The following SGCD variants were observed in gnomAD, a reference collection of about 807,000 sequenced individuals.
The protein encoded by SGCD is delta-sarcoglycan.
SGCD carries 18 observed loss-of-function variants against 36.6 expected under a neutral mutation model. The observed-to-expected ratio is 0.49, with a 90% CI of 0.34 to 0.73. The LOEUF (loss-of-function observed/expected upper bound fraction) is 0.73. SGCD is among the 30% of genes least tolerant of loss of function. SGCD has a pLI of 0.01. For missense variants in SGCD, 387 were observed against 346.7 expected, an observed-to-expected ratio of 1.12 and a Z score of -0.92; for synonymous variants, 133 against 130.6, an observed-to-expected ratio of 1.02 and a Z score of -0.12.
intron 4 of SGCD, among the ~76,000 whole-genome samples, chr5:156,557,374 G>A (rs567297091): frequency 3.9e-5 from 6 of 152,252 alleles, no homozygotes; most frequent in Admixed American, 2.0e-4. Context: ...ACAACAACAA[G>A]TATTGCTGGC....
chr5:156,692,441 A>T (rs1754152479), intron 7 of SGCD, among the ~76,000 whole-genome samples: 1 of 152,214 alleles, frequency 6.6e-6, no homozygotes, highest in South Asian at 2.1e-4. Context: ...CGCCAGCTGA[A>T]GATCTAACTC....
At chr5:156,481,376 G>T (rs1581055055) in intron 3 of SGCD, among the ~76,000 whole-genome samples, 1 of 152,318 alleles carries the variant, frequency 6.6e-6, no homozygotes, top group East Asian at 1.9e-4. Context: ...GGAAAGGTGA[G>T]TGGCTGCTCA....
intron 1 of SGCD, among the ~76,000 whole-genome samples, chr5:155,901,259 C>A (rs1561643809): frequency 6.6e-6 from 1 of 151,368 alleles, no homozygotes; most frequent in Admixed American, 6.6e-5. Context: ...TTGCAGTGAG[C>A]CGAGATAGTA....
At chr5:156,351,448 G>A (rs2127722614) in intron 3 of SGCD, among the ~76,000 whole-genome samples, 1 of 152,184 alleles carries the variant, frequency 6.6e-6, no homozygotes, top group Non-Finnish European at 1.5e-5. Context: ...TGTGATTTTT[G>A]ATAAGTTTCT....
At chr5:155,946,942 A>G (rs999320692) in intron 1 of SGCD, among the ~76,000 whole-genome samples, 1 of 152,210 alleles carries the variant, frequency 6.6e-6, no homozygotes, top group African/African-American at 2.4e-5. Flanking sequence ...ATTTTTATGG[A>G]CAAGGGTCAT....
chr5:156,548,283 A>G (rs1021576998), intron 4 of SGCD, among the ~76,000 whole-genome samples: 2 of 152,198 alleles, frequency 1.3e-5, no homozygotes, highest in South Asian at 2.1e-4. Flanking sequence ...CCCCTTACCA[A>G]CTTTGGAAGG....
intron 1 of SGCD, among the ~76,000 whole-genome samples, chr5:156,028,063 T>C (rs563822401): frequency 6.6e-6 from 1 of 152,318 alleles, no homozygotes; most frequent in Admixed American, 6.5e-5. Context: ...CTTTTAAAAC[T>C]ATCACAATGG....
chr5:156,289,552 C>A (rs1401754923), intron 3 of SGCD, among the ~76,000 whole-genome samples: 1 of 151,712 alleles, frequency 6.6e-6, no homozygotes, highest in Non-Finnish European at 1.5e-5. Context: ...GTGAGAACAT[C>A]CAAGCAACCT....
At chr5:156,179,269 A>T (rs947701333) in intron 3 of SGCD, among the ~76,000 whole-genome samples, 2 of 152,118 alleles carry the variant, frequency 1.3e-5, no homozygotes, top group East Asian at 3.9e-4. Flanking sequence ...TTTTTAAAAA[A>T]TCTTATATCC....
chr5:155,742,614 T>A, the SGCD span, among the ~76,000 whole-genome samples: 1,198 of 152,332 alleles, frequency 7.9e-3, 13 homozygotes, highest in African/African-American at 0.027. Context: ...TCAACGTAGA[T>A]TACCTTCAGT....
At chr5:156,353,953 C>A (rs1769378980) in intron 3 of SGCD, among the ~76,000 whole-genome samples, 1 of 152,072 alleles carries the variant, frequency 6.6e-6, no homozygotes, top group Admixed American at 6.6e-5. Flanking sequence ...TAACATGAAT[C>A]AAAGCTGCTG....
At chr5:155,831,139 G>T in the SGCD span, among the ~76,000 whole-genome samples, 1 of 152,148 alleles carries the variant, frequency 6.6e-6, no homozygotes, top group African/African-American at 2.4e-5. Flanking sequence ...GCTTGTATAT[G>T]ACTTCAACTC....
chr5:156,301,934 C>A (rs918677522), intron 3 of SGCD, among the ~76,000 whole-genome samples: 1 of 151,592 alleles, frequency 6.6e-6, no homozygotes, highest in Non-Finnish European at 1.5e-5. Flanking sequence ...TTTTTGGAAT[C>A]GTTTCTTAAT....
At chr5:156,387,178 G>T (rs1771321132) in intron 3 of SGCD, among the ~76,000 whole-genome samples, 2 of 152,138 alleles carry the variant, frequency 1.3e-5, no homozygotes, top group African/African-American at 2.4e-5. Context: ...AAGCACATGA[G>T]CCTCATGCAT....
intron 2 of SGCD, among the ~76,000 whole-genome samples, chr5:156,336,295 T>C (rs1386996879): frequency 1.3e-5 from 2 of 152,238 alleles, no homozygotes; most frequent in African/African-American, 4.8e-5. Context: ...TTCTCAGATC[T>C]CTCTGGGATG....
chr5:155,874,160 A>C (rs1000380516), intron 1 of SGCD, among the ~76,000 whole-genome samples: 1 of 152,122 alleles, frequency 6.6e-6, no homozygotes, highest in African/African-American at 2.4e-5. Context: ...AGAATTCCTC[A>C]TCCTATTAAA....
chr5:156,159,751 C>G (rs926133338), intron 3 of SGCD, among the ~76,000 whole-genome samples: 3 of 151,532 alleles, frequency 2.0e-5, no homozygotes, highest in Non-Finnish European at 2.9e-5. Context: ...AATATTTACA[C>G]AGATATTTTT....
chr5:156,630,659 T>C (rs1233994323), intron 6 of SGCD, among the ~76,000 whole-genome samples: 1 of 152,208 alleles, frequency 6.6e-6, no homozygotes, highest in East Asian at 1.9e-4. Context: ...AATAGATATT[T>C]ATGAGAATTT....
intron 1 of SGCD, among the ~76,000 whole-genome samples, chr5:156,070,551 T>A (rs533245599): frequency 5.3e-5 from 8 of 151,376 alleles, no homozygotes; most frequent in African/African-American, 2.0e-4. Context: ...TATTGAGGAT[T>A]TTTGCATCAG....
Sources: allele counts gnomAD v4.1 joint callset (sites outside exome capture counted in the v4.1 genomes callset), GRCh38; gene constraint gnomAD v4.1.1; transcripts MANE v1.5; gene names NCBI Gene and HGNC (gene_info 2026-07-23, HGNC 2026-07-21).